Variants in RPTOR observed in about 807,000 individuals in gnomAD.
The protein encoded by RPTOR is regulatory-associated protein of mTOR.
RPTOR carries 21 observed loss-of-function variants against 169.9 expected under a neutral mutation model. That is an observed-to-expected ratio of 0.12 (90% CI 0.09 to 0.18). RPTOR has a LOEUF of 0.18. RPTOR is among the 10% of genes least tolerant of loss of function. The pLI, the probability that RPTOR is intolerant of heterozygous loss-of-function variation, is 1.00. For synonymous variants in RPTOR, 732 were observed against 753.2 expected (o/e 0.97, Z 0.46); for missense variants, 1,133 against 1,855.9 (o/e 0.61, Z 7.16).
rs779966402 is a variant in RPTOR, at chr17:80,961,458, G to A, written c.3670G>A (p.Asp1224Asn). The change falls in exon 31 of 34, where the codon GAC becomes AAC. Residue 1224 changes from aspartate to asparagine, a missense_variant. This residue lies in a region of RPTOR where 410 missense variants were observed against 623.7 expected (regional missense o/e 0.66). Transcript: ENST00000306801. ...VVKASLQKRPDGHIVSVSVNG... is the reference protein window; with the variant it reads ...VVKASLQKRPNGHIVSVSVNG... ...GAAGGCCTCCCTGCAGAAGCGTCCC[G>A]ACGGCCACATCGTGAGTGTGAGGTG... 1.2e-5 allele frequency: 18 copies of A among 1,550,978 alleles called. No homozygotes were observed. The highest frequency in any genetic ancestry group is 3.6e-5 in the South Asian group (3 of 84,124).
chr17:80,638,951 G>A (rs774231149), intron 2 of RPTOR, among the ~76,000 whole-genome samples: 6 of 152,148 alleles, frequency 3.9e-5, no homozygotes, highest in African/African-American at 9.7e-5. Context: ...TCCCACAGAC[G>A]CTGCAAGGGC....
At position 80,562,953 on chromosome 17, in the gene RPTOR, T is replaced by C. The variant is rs1219136270; in HGVS notation, c.162+17162T>C. 6.6e-6 allele frequency among the ~76,000 whole-genome samples: 1 copy of C among 152,238 alleles called. No homozygotes were observed. Among genetic ancestry groups the C allele is most frequent in the Non-Finnish European group, 1.5e-5 (1 of 68,048 alleles). On this transcript the variant is annotated intron_variant, in intron 1 of 33. Transcript: ENST00000306801. The surrounding 1 kb of genome is among the most constrained non-coding windows in gnomAD (Gnocchi z 4.4). The stretch of plus-strand genomic sequence containing the variant: ...TGACCGTCGCCTGCCTTGCTGCCGA[T>C]GTCCTGAAGATGCTTCATGTTGGCA...
chr17:80,776,165 C>CTCTA (rs1246738469), intron 6 of RPTOR, among the ~76,000 whole-genome samples: 1 of 152,070 alleles, frequency 6.6e-6, no homozygotes, highest in Non-Finnish European at 1.5e-5. Context: ...TGCCACTGTA[C>CTCTA]TCTAGCCTGG....
intron 13 of RPTOR, among the ~76,000 whole-genome samples, chr17:80,877,937 T>C (rs1002051587): frequency 2.0e-5 from 3 of 152,072 alleles, no homozygotes; most frequent in African/African-American, 7.2e-5. Context: ...AAACACCTCA[T>C]TGTAAGAGCA....
intron 3 of RPTOR, among the ~76,000 whole-genome samples, chr17:80,671,646 A>G (rs760408560): frequency 2.0e-4 from 31 of 152,190 alleles, no homozygotes; most frequent in Non-Finnish European, 4.0e-4. Flanking sequence ...GCAGCTTTGC[A>G]TAGTTGTGAG....
intron 1 of RPTOR, among the ~76,000 whole-genome samples, chr17:80,595,655 C>CT (rs754891690): frequency 1.4e-4 from 22 of 152,310 alleles, no homozygotes; most frequent in Non-Finnish European, 2.2e-4. Flanking sequence ...CCAGGGCTCT[C>CT]TGTGTTGCCC....
intron 6 of RPTOR, among the ~76,000 whole-genome samples, chr17:80,759,185 T>C (rs1161277491): frequency 6.6e-6 from 1 of 151,782 alleles, no homozygotes; most frequent in Admixed American, 6.6e-5. Flanking sequence ...GGAAACCCCA[T>C]CTGTAAAAAA....
intron 1 of RPTOR, chr17:80,602,741 C>T (rs1397737409): frequency 1.0e-5 from 8 of 765,458 alleles, no homozygotes; most frequent in Admixed American, 3.5e-5. Context: ...TGTCAATGCA[C>T]ACATCTGGAG....
At chr17:80,950,994 G>A (rs1457729902) in intron 28 of RPTOR, among the ~76,000 whole-genome samples, 2 of 152,156 alleles carry the variant, frequency 1.3e-5, no homozygotes, top group Admixed American at 6.5e-5. Flanking sequence ...TCCAAGGCTC[G>A]GACCTGCCGG....
intron 7 of RPTOR, among the ~76,000 whole-genome samples, chr17:80,800,635 T>A (rs1052671876): frequency 1.3e-5 from 2 of 152,234 alleles, no homozygotes; most frequent in Non-Finnish European, 2.9e-5. Context: ...CTGTTGCTGC[T>A]GCAGTACATA....
rs200831218 is a variant in RPTOR at position 80,643,849 on chromosome 17, A to G, written c.348+39A>G. The G allele has an allele frequency of 6.2e-5, 92 of 1,489,744 alleles. No homozygotes were observed. In the Admixed American group the frequency reaches 1.5e-3, roughly 25 times the overall value. The allele number at this position is 1,489,744 out of a possible 1,614,324, so 92.3% of individuals were successfully genotyped here. A position where few individuals can be genotyped will look rare whatever the true frequency, so the allele number is the denominator to read the frequency against. ...ACTTGCTCTTCCCTTTCCTTCTTAC[A>G]GGGAAACTCCAGTTCCTTGGTTTCC... On this transcript the variant is annotated intron_variant, in intron 3 of 33. Transcript: ENST00000306801.
intron 1 of RPTOR, among the ~76,000 whole-genome samples, chr17:80,564,145 C>T (rs1255581841): frequency 6.6e-6 from 1 of 151,856 alleles, no homozygotes; most frequent in Non-Finnish European, 1.5e-5. Flanking sequence ...TCACTACAAG[C>T]TCTGCCTCCC....
At chr17:80,700,439 ATGGTGGTGG>A (rs138115583) in intron 3 of RPTOR, among the ~76,000 whole-genome samples, 1 of 93,852 alleles carries the variant, frequency 1.1e-5, no homozygotes, top group African/African-American at 3.8e-5. Flanking sequence ...GGTGGTTATG[ATGGTGGTGG>A]TGGTGATGGT....
In RPTOR at chr17:80,665,516, T is replaced by TG. The variant is rs1463946434; in HGVS notation, c.348+21706_348+21707insG. ...TCCTTTCCTTTCCATGTCCTTTCCT[T>TG]TCCTTTCCATGTCCTTTCCTTTCCT... On this transcript the variant is annotated intron_variant, in intron 3 of 33. Transcript: ENST00000306801. 2.1e-5 allele frequency among the ~76,000 whole-genome samples: 2 copies of TG among 93,054 alleles called. 1 individual carries two copies. The highest frequency in any genetic ancestry group is 4.1e-5 in the Non-Finnish European group (2 of 48,266). 61.0% of individuals were successfully genotyped at this position (93,054 alleles called of 152,430 possible). A position where few individuals can be genotyped will look rare whatever the true frequency, so the allele number is the denominator to read the frequency against.
intron 4 of RPTOR, among the ~76,000 whole-genome samples, chr17:80,718,633 C>A (rs763104495): frequency 5.9e-5 from 9 of 152,106 alleles, no homozygotes; most frequent in Non-Finnish European, 1.3e-4. Flanking sequence ...ACAAAGGCAA[C>A]AGTTGTCCCT....
intron 6 of RPTOR, among the ~76,000 whole-genome samples, chr17:80,785,699 G>C (rs1193307908): frequency 1.5e-5 from 2 of 135,698 alleles, no homozygotes; most frequent in African/African-American, 3.9e-5. Context: ...CCTTGACTCT[G>C]ACTGAGTTGG....
At chr17:80,796,659 G>A (rs996495572) in intron 7 of RPTOR, among the ~76,000 whole-genome samples, 9 of 152,222 alleles carry the variant, frequency 5.9e-5, no homozygotes, top group Admixed American at 2.6e-4. Context: ...CCATATCACA[G>A]TCGCTGTAGC....
In RPTOR at chr17:80,724,601, C is replaced by T. The variant is rs1467012990; in HGVS notation, c.508-5959C>T. On this transcript the variant is annotated intron_variant, in intron 4 of 33. Transcript: ENST00000306801. ...TTCTACCATCGCAACAGCGGCGAGG[C>T]CAGGTTCTCCCATCCCAACAGTGGT... is the stretch of plus-strand genomic sequence containing the variant. Among the ~76,000 whole-genome samples the T allele has an allele frequency of 3.9e-5, 6 of 152,182 alleles. No individual in the cohort carries two copies. The East Asian group carries it at 1.2e-3, about 29-fold the overall frequency.
In RPTOR at chr17:80,835,409, G is replaced by A. The variant is rs149565336; in HGVS notation, c.1137-2513G>A. Reference sequence around the variant, plus strand: ...TCTCTTAGAAAATTACCCAGGAGAAGAGAGCGCAGTGCTAGAAGCAGAATC... The same window carrying A: ...TCTCTTAGAAAATTACCCAGGAGAAAAGAGCGCAGTGCTAGAAGCAGAATC... On this transcript the variant is annotated intron_variant, in intron 9 of 33. Coordinates refer to ENST00000306801, the MANE Select transcript of RPTOR (RefSeq NM_020761.3). Among the ~76,000 whole-genome samples the A allele has an allele frequency of 2.3e-3, 348 of 152,282 alleles. No individual in the cohort carries two copies. In the Middle Eastern group the frequency reaches 0.024, roughly 10 times the overall value.
Sources: allele counts gnomAD v4.1 joint callset (sites outside exome capture counted in the v4.1 genomes callset), GRCh38; gene constraint gnomAD v4.1.1; regional missense constraint gnomAD v4.1.1; non-coding constraint Gnocchi (gnomAD v3.1); transcripts MANE v1.5; gene names NCBI Gene and HGNC (gene_info 2026-07-23, HGNC 2026-07-21).